The following VGLL4 variants were observed in gnomAD, a reference collection of about 807,000 sequenced individuals.
The protein encoded by VGLL4 is vestigial like family member 4.
Under a neutral mutation model 21.0 loss-of-function variants are expected in VGLL4, and 7 were observed. The ratio of observed to expected loss-of-function variants is 0.33; its 90% confidence interval spans 0.19 to 0.63. The LOEUF is 0.63. Among genes scored for constraint, VGLL4 ranks in the 20% least tolerant of loss-of-function variants. The pLI, the probability that VGLL4 is intolerant of heterozygous loss-of-function variation, is 0.78. For synonymous variants in VGLL4, 222 were observed against 173.2 expected, an observed-to-expected ratio of 1.28 and a Z score of -2.21; for missense variants, 394 against 425.7, an observed-to-expected ratio of 0.93 and a Z score of 0.66.
At chr3:11,691,534 G>A (rs2076526616) in intron 2 of VGLL4, among the ~76,000 whole-genome samples, 1 of 152,170 alleles carries the variant, frequency 6.6e-6, no homozygotes, top group Admixed American at 6.5e-5. Context: ...CCAACGTGAT[G>A]CCTGGAAATG....
intron 2 of VGLL4, among the ~76,000 whole-genome samples, chr3:11,698,601 G>C (rs1056835603): frequency 7.9e-5 from 12 of 152,182 alleles, no homozygotes; most frequent in African/African-American, 2.9e-4. Flanking sequence ...AGGAAGAACA[G>C]CAATCTCAAG....
At chr3:11,659,657 T>TA (rs11387801) in intron 2 of VGLL4, among the ~76,000 whole-genome samples, 152,193 of 152,194 alleles carry the variant, frequency 1, 76,096 homozygotes, top group Middle Eastern at 1. Flanking sequence ...TGAAGGGACT[T>TA]GGGGATTTCA....
intron 1 of VGLL4, 135 bp from the exon 2 acceptor site, chr3:11,602,157 G>T: frequency 1.4e-6 from 1 of 712,234 alleles, no homozygotes; most frequent in Non-Finnish European, 2.1e-6. Context: ...GGACGGGGCC[G>T]CCTGCCATCC....
In VGLL4 at chr3:11,568,192, C is replaced by A. The variant is rs1435376505; in HGVS notation, c.273-3173G>T. The stretch of plus-strand genomic sequence containing the variant: ...AGCAGACTAAAGGTCAGGCGTCTGC[C>A]CATGTCCAAAGCCAAAGTCGTGGTA... On this transcript the variant is annotated intron_variant, in intron 2 of 4. Coordinates refer to ENST00000430365, the MANE Select transcript of VGLL4 (RefSeq NM_001128219.3). This position sits in a 1 kb window ranked among gnomAD's most constrained non-coding sequence, Gnocchi z 5.9. Among the ~76,000 whole-genome samples, 1 of 152,210 alleles carries A rather than the reference C, an allele frequency of 6.6e-6. No individual in the cohort carries two copies. Among genetic ancestry groups the A allele is most frequent in the African/African-American group, 2.4e-5 (1 of 41,452 alleles).
At chr3:11,598,463 A>C (rs2074701767) in intron 2 of VGLL4, among the ~76,000 whole-genome samples, 1 of 149,458 alleles carries the variant, frequency 6.7e-6, no homozygotes, top group African/African-American at 2.5e-5. Flanking sequence ...TACCGAAACT[A>C]TTTTTTCTTT....
chr3:11,691,702 C>T (rs562938969), intron 2 of VGLL4, among the ~76,000 whole-genome samples: 274 of 152,270 alleles, frequency 1.8e-3, no homozygotes, highest in Non-Finnish European at 3.2e-3. Context: ...TCTCTCTCTT[C>T]ACCCCCAAGA....
chr3:11,600,803 T>C (rs2117870), intron 2 of VGLL4, among the ~76,000 whole-genome samples: 141,355 of 152,172 alleles, frequency 0.93, 65,775 homozygotes, highest in Non-Finnish European at 0.95. Flanking sequence ...CCCTCAGGAA[T>C]TGGAGCATCT....
chr3:11,674,348 G>T (rs116641524), intron 2 of VGLL4, among the ~76,000 whole-genome samples: 1 of 152,180 alleles, frequency 6.6e-6, no homozygotes, highest in Non-Finnish European at 1.5e-5. Flanking sequence ...CATGGCACTT[G>T]TGTGTCCCAG....
intron 2 of VGLL4, among the ~76,000 whole-genome samples, chr3:11,698,292 T>C (rs2076632049): frequency 6.6e-6 from 1 of 152,148 alleles, no homozygotes; most frequent in South Asian, 2.1e-4. Flanking sequence ...GTGGATTGCC[T>C]GAGCTCAGGA....
chr3:11,629,740 G>C (rs2443720), intron 1 of VGLL4, among the ~76,000 whole-genome samples: 127,398 of 140,960 alleles, frequency 0.9, 57,628 homozygotes, highest in Non-Finnish European at 0.93. Context: ...AGAGCGAGAC[G>C]GGTCTCAAAA....
chr3:11,574,671 C>T (rs943141011), intron 2 of VGLL4, among the ~76,000 whole-genome samples: 7 of 152,082 alleles, frequency 4.6e-5, no homozygotes, highest in African/African-American at 1.4e-4. Context: ...CACAAAGAAA[C>T]GATTAATGTT....
chr3:11,602,358 G>C (rs1367400261), intron 1 of VGLL4, among the ~76,000 whole-genome samples: 1 of 152,058 alleles, frequency 6.6e-6, no homozygotes, highest in African/African-American at 2.4e-5. Flanking sequence ...GTCTTTTCAC[G>C]TGTGGGTATT....
At chr3:11,711,990 T>C (rs575233463) in intron 1 of VGLL4, among the ~76,000 whole-genome samples, 2 of 152,334 alleles carry the variant, frequency 1.3e-5, no homozygotes, top group East Asian at 3.9e-4. Flanking sequence ...CCCCAGAGTG[T>C]CCGGTGATGC....
chr3:11,581,081 A>T (rs1431027599), intron 2 of VGLL4, among the ~76,000 whole-genome samples: 36 of 114,808 alleles, frequency 3.1e-4, no homozygotes, highest in South Asian at 5.9e-4. Context: ...TTTTTTTTAA[A>T]AAAAAAGATA....
intron 2 of VGLL4, among the ~76,000 whole-genome samples, chr3:11,582,725 G>A (rs1033632065): frequency 6.6e-6 from 1 of 152,152 alleles, no homozygotes; most frequent in African/African-American, 2.4e-5. Flanking sequence ...AAGTGGAGAC[G>A]CTCCGAAGGC....
chr3:11,616,020 CCCA>C (rs2075155856), intron 1 of VGLL4, among the ~76,000 whole-genome samples: 2 of 152,216 alleles, frequency 1.3e-5, no homozygotes, highest in Non-Finnish European at 2.9e-5. Context: ...CACCCTGCCT[CCCA>C]CCACGAGAGA....
At chr3:11,596,843 T>C (rs2074657721) in intron 2 of VGLL4, among the ~76,000 whole-genome samples, 1 of 152,118 alleles carries the variant, frequency 6.6e-6, no homozygotes, top group African/African-American at 2.4e-5. Context: ...ATAGTAACAA[T>C]AAGTTACCAT....
At chr3:11,712,382 T>C (rs1376979709) in intron 1 of VGLL4, among the ~76,000 whole-genome samples, 1 of 152,210 alleles carries the variant, frequency 6.6e-6, no homozygotes, top group Non-Finnish European at 1.5e-5. Context: ...GATTAAACGA[T>C]GTAACTGAGA....
intron 1 of VGLL4, among the ~76,000 whole-genome samples, chr3:11,605,614 T>G (rs2125275120): frequency 6.6e-6 from 1 of 152,216 alleles, no homozygotes; most frequent in East Asian, 1.9e-4. Context: ...TTCCTCCAGC[T>G]GAAGGTCATC....
Sources: gnomAD v4.1 joint callset for allele counts (sites outside exome capture counted in the v4.1 genomes callset) on GRCh38, gnomAD v4.1.1 for gene constraint, Gnocchi (gnomAD v3.1) non-coding constraint, MANE v1.5 for transcripts, NCBI Gene and HGNC (gene_info 2026-07-23, HGNC 2026-07-21) for gene names.